Variants in DOCK6 observed in about 807,000 individuals in gnomAD.
The protein encoded by DOCK6 is dedicator of cytokinesis 6, also known as dedicator of cytokinesis protein 6.
In DOCK6, 167 loss-of-function variants were observed where a neutral mutation model predicts 230.3. The ratio of observed to expected loss-of-function variants is 0.73; its 90% CI spans 0.64 to 0.82. The LOEUF is 0.82. Among genes scored for constraint, DOCK6 ranks in the 40% least tolerant of loss-of-function variants. The pLI, the probability that DOCK6 is intolerant of heterozygous loss-of-function variation, is 0.00. For missense variants in DOCK6, 2,598 were observed against 2,825.8 expected (o/e 0.92, Z 1.83); for synonymous variants, 1,148 against 1,185.0 (o/e 0.97, Z 0.64).
chr19:11,222,488 T>G lies in DOCK6; in HGVS notation c.3241-240A>C, dbSNP rs2079596092. ...AGTCAAAAGTCAGAGGACTGAGAAATAGCAGATGGAACACTGGGCTGGGAG... is the reference window on the plus strand; with the variant it reads ...AGTCAAAAGTCAGAGGACTGAGAAAGAGCAGATGGAACACTGGGCTGGGAG... On this transcript the variant is annotated intron_variant, in intron 26 of 47. Coordinates refer to ENST00000294618, the MANE Select transcript of DOCK6 (RefSeq NM_020812.4). This position sits in a 1 kb window ranked among gnomAD's most constrained non-coding sequence, Gnocchi z 4.0. Among the ~76,000 whole-genome samples, 1 of 151,962 alleles carries G rather than the reference T, an allele frequency of 6.6e-6. No individual in the cohort carries two copies. The highest frequency in any genetic ancestry group is 2.4e-5 in the African/African-American group (1 of 41,410).
chr19:11,239,284 G>A (rs1231251948), intron 14 of DOCK6, among the ~76,000 whole-genome samples: 2 of 152,186 alleles, frequency 1.3e-5, no homozygotes, highest in Non-Finnish European at 2.9e-5. Context: ...AAACAGCTCA[G>A]GGCAAACCAT....
rs199700158 is a variant in DOCK6 at position 11,236,385 on chromosome 19, G to A, written c.2353C>T (p.Arg785Cys). The change falls in exon 20 of 48, where the codon CGT becomes TGT. Residue 785 changes from arginine to cysteine, a missense_variant. Transcript: ENST00000294618. This position sits in a 1 kb window ranked among gnomAD's most constrained non-coding sequence, Gnocchi z 5.2. ...ATGATCGGGGGCCTGATGACCAGAC[G>A]CACGAGCTTGTCCAGCACGTGGTGG... ...FSHHVLDKLV[R>C]LVIRPPIISG... 253 of 1,578,220 alleles carry A rather than the reference G, an allele frequency of 1.6e-4. No homozygotes were observed. The highest frequency in any genetic ancestry group is 1.7e-4 in the Middle Eastern group (1 of 5,998).
Position 11,222,450 on chromosome 19 carries a change from T to A in DOCK6, c.3241-202A>T. ...GGCTGACGTTAACCCATCTGTGATGTAACAGGGCACGGAGTCAAAAGTCAG... is the reference window on the plus strand; with the variant it reads ...GGCTGACGTTAACCCATCTGTGATGAAACAGGGCACGGAGTCAAAAGTCAG... On this transcript the variant is annotated intron_variant, in intron 26 of 47. Transcript: ENST00000294618. The surrounding 1 kb of genome is among the most constrained non-coding windows in gnomAD (Gnocchi z 4.0). The A allele has an allele frequency of 1.3e-6, 1 of 777,492 alleles. No homozygotes were observed. The highest frequency in any genetic ancestry group is 2.0e-6 in the Non-Finnish European group (1 of 500,162). 48.2% of individuals were successfully genotyped at this position (777,492 alleles called of 1,614,324 possible). A position where few individuals can be genotyped will look rare whatever the true frequency, so the allele number is the denominator to read the frequency against.
chr19:11,239,698 G>A, intron 14 of DOCK6: 1 of 1,613,692 alleles, frequency 6.2e-7, no homozygotes, highest in Non-Finnish European at 8.5e-7. Context: ...GCCTGCCTCA[G>A]CGGCCCCCAT....
Position 11,208,806 on chromosome 19 carries a change from C to T in DOCK6, c.4968G>A (p.Glu1656=). The change falls in exon 39 of 48, where the codon GAG becomes GAA. Residue 1656 remains glutamate, a synonymous_variant. Coordinates refer to ENST00000294618, the MANE Select transcript of DOCK6 (RefSeq NM_020812.4). ...GGATGTCGTCGGAGATGGCGGACTC[C>T]TCTAGCACGTTGGATGAGATGTTCT... ...SFQNISSNVL[E]ESAISDDILS... 1.2e-6 allele frequency: 2 copies of T among 1,613,704 alleles called. No homozygotes were observed. Among genetic ancestry groups the T allele is most frequent in the Non-Finnish European group, 1.7e-6 (2 of 1,179,686 alleles).
chr19:11,253,712 T>G lies in DOCK6; in HGVS notation c.59A>C (p.Glu20Ala). 6.8e-7 allele frequency: 1 copy of G among 1,473,852 alleles called. No individual in the cohort carries two copies. Among genetic ancestry groups the G allele is most frequent in the Admixed American group, 3.0e-5 (1 of 33,064 alleles). 91.3% of individuals were successfully genotyped at this position (1,473,852 alleles called of 1,614,324 possible). Residue 20 changes from glutamate to alanine, a missense_variant, in exon 2 of 48, where the codon GAG becomes GCG. Physicochemically the swap from Glu to Ala is moderately radical, Grantham distance 107. Coordinates refer to ENST00000294618, the MANE Select transcript of DOCK6 (RefSeq NM_020812.4). ...AHKINRTVAA[E>A]VRKQVSRERS... ...TTCCCGGGACACCTGCTTCCGCACCTCTGCGGCCACCGTCCTGGAAAGATA... is the reference window on the plus strand; with the variant it reads ...TTCCCGGGACACCTGCTTCCGCACCGCTGCGGCCACCGTCCTGGAAAGATA...
intron 1 of DOCK6, among the ~76,000 whole-genome samples, chr19:11,257,243 C>T (rs1414146080): frequency 3.3e-5 from 5 of 151,282 alleles, no homozygotes; most frequent in South Asian, 2.1e-4. Context: ...GTGATCTTCC[C>T]GCCTCAGCCT....
intron 7 of DOCK6, 112 bp from the exon 8 acceptor site, chr19:11,245,990 G>C (rs2080027124): frequency 8.3e-7 from 1 of 1,201,796 alleles, no homozygotes; most frequent in Admixed American, 2.4e-5. Context: ...TGGGCCACAT[G>C]GAACCGCCAC....
At chr19:11,256,135 G>A (rs1447931412) in intron 1 of DOCK6, among the ~76,000 whole-genome samples, 1 of 152,166 alleles carries the variant, frequency 6.6e-6, no homozygotes, top group Non-Finnish European at 1.5e-5. Flanking sequence ...ACTGACTGGG[G>A]GGGTTGAGAA....
chr19:11,243,824 A>G lies in DOCK6; in HGVS notation c.1082T>C (p.Leu361Ser). The change falls in exon 10 of 48, where the codon TTG (leucine) becomes TCG (serine). Residue 361 changes from leucine to serine, a missense_variant. By Grantham distance (145) the Leu-to-Ser change is moderately radical. Coordinates refer to ENST00000294618, the MANE Select transcript of DOCK6 (RefSeq NM_020812.4). The surrounding 1 kb of genome is among the most constrained non-coding windows in gnomAD (Gnocchi z 6.3). ...ISECCEPYMV[L>S]KEVDTAKNKE... is the part of the protein sequence containing the mutation. ...TACCTTGGCTGTGTCCACTTCTTTC[A>G]ACACCATGTAAGGCTCACAGCACTC... 6.2e-7 allele frequency: 1 copy of G among 1,613,054 alleles called. No individual in the cohort carries two copies. The highest frequency in any genetic ancestry group is 8.5e-7 in the Non-Finnish European group (1 of 1,179,554).
At chr19:11,221,491 G>A (rs1477346986) in intron 28 of DOCK6, 2 of 235,540 alleles carry the variant, frequency 8.5e-6, no homozygotes, top group Non-Finnish European at 1.7e-5. Context: ...GTGAATGAAT[G>A]TACTCCAATC....
chr19:11,206,971 A>C (rs2079272559), intron 39 of DOCK6, among the ~76,000 whole-genome samples: 1 of 151,876 alleles, frequency 6.6e-6, no homozygotes, highest in Non-Finnish European at 1.5e-5. Flanking sequence ...AGTAGCTGGG[A>C]TTACAGACAC....
rs2079954932 is a variant in DOCK6 at position 11,242,063 on chromosome 19, G to A, written c.1625C>T (p.Ala542Val). 2 of 1,558,058 alleles carry A rather than the reference G, an allele frequency of 1.3e-6. No homozygotes were observed. Among genetic ancestry groups the A allele is most frequent in the Admixed American group, 2.3e-5 (1 of 43,868 alleles). Residue 542 changes from alanine to valine, a missense_variant, in exon 14 of 48, where the codon GCC becomes GTC. Ala to Val is a moderately conservative substitution (Grantham distance 64, BLOSUM62 0). Transcript: ENST00000294618. ...ILEFPAREVY[A>V]PHTSYRNLLY... Reference sequence around the variant, plus strand: ...GCCGTACCTGTAGCTGGTATGGGGGGCATAGACTTCGCGGGCGGGGAACTC... The same window carrying A: ...GCCGTACCTGTAGCTGGTATGGGGGACATAGACTTCGCGGGCGGGGAACTC...
At position 11,248,184 on chromosome 19, in the gene DOCK6, A is replaced by G. The variant is rs141474885; in HGVS notation, c.721-33T>C. 3,425 of 1,504,848 alleles carry G rather than the reference A, an allele frequency of 2.3e-3. 76 individuals carry two copies. The African/African-American group carries it at 0.042, about 18-fold the overall frequency. 93.2% of individuals were successfully genotyped at this position (1,504,848 alleles called of 1,614,324 possible). On this transcript the variant is annotated intron_variant, in intron 6 of 47. Coordinates refer to ENST00000294618, the MANE Select transcript of DOCK6 (RefSeq NM_020812.4). The stretch of plus-strand genomic sequence containing the variant: ...GAGTGGGGGGTGGGAGCTGGGCGGG[A>G]GGAGCTGGGACATCCTCCAGGAAGG...
chr19:11,250,172 G>A (rs113305477), intron 6 of DOCK6, among the ~76,000 whole-genome samples: 4 of 151,706 alleles, frequency 2.6e-5, no homozygotes, highest in African/African-American at 9.7e-5. Context: ...TACCATGCCT[G>A]GTTAATTTTT....
chr19:11,255,592 G>A (rs1471797007), intron 1 of DOCK6, among the ~76,000 whole-genome samples: 1 of 152,140 alleles, frequency 6.6e-6, no homozygotes, highest in Non-Finnish European at 1.5e-5. Flanking sequence ...GAATGAGTGA[G>A]TCCCTTCCAG....
At chr19:11,237,044 A>T (rs1476962421) in intron 18 of DOCK6, 165 bp from the exon 19 acceptor site, 15 of 664,648 alleles carry the variant, frequency 2.3e-5, no homozygotes, top group Non-Finnish European at 3.8e-5. Context: ...GAGAGGGTCC[A>T]CTGGGCAGGC....
Position 11,202,468 on chromosome 19 carries a change from TCTCCGTGTAGAA to T in DOCK6, c.5365_5376del (p.Phe1789_Glu1792del). On this transcript the variant is annotated inframe_deletion, in exon 43 of 48. Coordinates refer to ENST00000294618, the MANE Select transcript of DOCK6 (RefSeq NM_020812.4). This position sits in a 1 kb window ranked among gnomAD's most constrained non-coding sequence, Gnocchi z 5.3. Reference sequence around the variant, plus strand: ...ATCTCAACGACGTCGTCGCCAAATCTCTCCGTGTAGAACTCCTGGAGACACAGGGCTGACTCG... The same window carrying T: ...ATCTCAACGACGTCGTCGCCAAATCTCTCCTGGAGACACAGGGCTGACTCG... 6.2e-7 allele frequency: 1 copy of T among 1,613,304 alleles called. No homozygotes were observed. Among genetic ancestry groups the T allele is most frequent in the Non-Finnish European group, 8.5e-7 (1 of 1,179,516 alleles).
At chr19:11,259,078 G>T (rs1248443386) in intron 1 of DOCK6, among the ~76,000 whole-genome samples, 5 of 148,654 alleles carry the variant, frequency 3.4e-5, no homozygotes, top group Admixed American at 2.0e-4. Flanking sequence ...TTGAGACAGG[G>T]TCTCACTCTG....
Sources: allele counts gnomAD v4.1 joint callset (sites outside exome capture counted in the v4.1 genomes callset), GRCh38; gene constraint gnomAD v4.1.1; non-coding constraint Gnocchi (gnomAD v3.1); transcripts MANE v1.5; gene names NCBI Gene and HGNC (gene_info 2026-07-23, HGNC 2026-07-21).